Variants in MYO16 observed in about 807,000 individuals in gnomAD.
MYO16 encodes unconventional myosin-XVI.
A neutral mutation model predicts 205.3 loss-of-function variants in MYO16; 94 were observed. That is an observed-to-expected ratio of 0.46 (90% CI 0.39 to 0.54). The LOEUF (loss-of-function observed/expected upper bound fraction) is 0.54. Among genes scored for constraint, MYO16 ranks in the 20% least tolerant of loss-of-function variants. MYO16 has a pLI of 0.00. For missense variants in MYO16, 2,315 were observed against 2,387.5 expected (o/e 0.97, Z 0.63); for synonymous variants, 988 against 954.0 (o/e 1.04, Z -0.66).
chr13:109,094,697 C>T (rs1888724687), intron 27 of MYO16, among the ~76,000 whole-genome samples: 2 of 152,064 alleles, frequency 1.3e-5, no homozygotes, highest in South Asian at 4.1e-4. Context: ...CTTGACAGGC[C>T]CCAGTGTGTT....
chr13:108,999,632 A>G (rs1885147710), intron 21 of MYO16, among the ~76,000 whole-genome samples: 1 of 152,150 alleles, frequency 6.6e-6, no homozygotes, highest in African/African-American at 2.4e-5. Context: ...GGGAGTGGCA[A>G]CATAATTAAG....
At chr13:108,638,064 A>G (rs527248977) in intron 1 of MYO16, among the ~76,000 whole-genome samples, 46 of 152,244 alleles carry the variant, frequency 3.0e-4, no homozygotes, top group Non-Finnish European at 6.2e-4. Context: ...GTGACCTGGA[A>G]GCAGAGTGGA....
intron 4 of MYO16, among the ~76,000 whole-genome samples, chr13:108,737,201 T>C (rs1884734716): frequency 6.6e-6 from 1 of 152,204 alleles, no homozygotes; most frequent in Admixed American, 6.5e-5. Flanking sequence ...AGAGAGGGCA[T>C]CCCTGTCTTG....
At chr13:109,079,879 C>CATT (rs1555329950) in intron 27 of MYO16, among the ~76,000 whole-genome samples, 1 of 138,430 alleles carries the variant, frequency 7.2e-6, no homozygotes, top group East Asian at 2.1e-4. Context: ...TTCTTTATTT[C>CATT]TTTTTTTTTT....
chr13:109,194,385 T>C (rs765694568), intron 34 of MYO16, among the ~76,000 whole-genome samples: 14 of 152,178 alleles, frequency 9.2e-5, no homozygotes, highest in Non-Finnish European at 1.6e-4. Flanking sequence ...CAAGTGACTT[T>C]AGGCTTGAAA....
chr13:108,602,844 T>G (rs1360752669), intron 1 of MYO16, among the ~76,000 whole-genome samples: 1 of 152,164 alleles, frequency 6.6e-6, no homozygotes, highest in African/African-American at 2.4e-5. Context: ...AAGTTTCTAA[T>G]GAATTTGAGG....
intron 27 of MYO16, among the ~76,000 whole-genome samples, chr13:109,088,889 A>G (rs1888530299): frequency 6.6e-6 from 1 of 152,192 alleles, no homozygotes; most frequent in South Asian, 2.1e-4. Context: ...GAGGGCGGGC[A>G]GCCCCTCACT....
intron 4 of MYO16, among the ~76,000 whole-genome samples, chr13:108,778,215 G>A (rs755206972): frequency 3.9e-5 from 6 of 152,050 alleles, no homozygotes; most frequent in Non-Finnish European, 7.4e-5. Context: ...ATTTTTTCCC[G>A]GTGAAGTCAT....
intron 16 of MYO16, among the ~76,000 whole-genome samples, chr13:108,934,709 A>G (rs1449838907): frequency 6.6e-6 from 1 of 151,986 alleles, no homozygotes; most frequent in African/African-American, 2.4e-5. Context: ...CTAGGTTTTC[A>G]TCTAGGATTC....
rs182519012 is a variant in MYO16, at chr13:109,036,673, T to A, written c.2797-10243T>A. Among the ~76,000 whole-genome samples, 59 of 152,328 alleles carry A rather than the reference T, an allele frequency of 3.9e-4. 1 individual carries two copies. Among genetic ancestry groups the A allele is most frequent in the Non-Finnish European group, 2.4e-4 (16 of 68,022 alleles). On this transcript the variant is annotated intron_variant, in intron 23 of 34. Coordinates refer to ENST00000457511, the MANE Select transcript of MYO16 (RefSeq NM_001198950.3). ...CATTCCAAAGGAAATTTTGAATACA[T>A]GACAATTTCCTTAAAGATCCATATT...
At chr13:108,940,967 G>A (rs576746268) in intron 16 of MYO16, among the ~76,000 whole-genome samples, 1 of 152,330 alleles carries the variant, frequency 6.6e-6, no homozygotes, top group African/African-American at 2.4e-5. Context: ...AGTATAATGT[G>A]TCTGTAGTAA....
chr13:108,737,917 T>A (rs1463795354), intron 4 of MYO16, among the ~76,000 whole-genome samples: 3 of 152,222 alleles, frequency 2.0e-5, no homozygotes, highest in East Asian at 3.8e-4. Context: ...TTCTAGTTTA[T>A]TTGTGTAGAG....
chr13:108,810,699 A>G (rs992122641), intron 7 of MYO16, among the ~76,000 whole-genome samples: 38 of 152,168 alleles, frequency 2.5e-4, no homozygotes, highest in African/African-American at 9.2e-4. Context: ...AATATATTGT[A>G]TCTGTGTTTA....
intron 2 of MYO16, among the ~76,000 whole-genome samples, chr13:108,674,774 A>G (rs2139453339): frequency 6.6e-6 from 1 of 152,302 alleles, no homozygotes; most frequent in African/African-American, 2.4e-5. Context: ...TTTGACATGG[A>G]ATGTATGTAG....
chr13:109,062,082 AAG>A (rs66647525), intron 27 of MYO16, among the ~76,000 whole-genome samples: 6 of 127,072 alleles, frequency 4.7e-5, no homozygotes, highest in African/African-American at 6.1e-5. Flanking sequence ...TGGAGGGAGA[AAG>A]AGAGAGAGAG....
chr13:108,582,476 C>T, the MYO16 span, among the ~76,000 whole-genome samples: 8 of 152,198 alleles, frequency 5.3e-5, no homozygotes, highest in Non-Finnish European at 1.2e-4. Flanking sequence ...CACAACCCAA[C>T]TGAGCACCCA....
intron 23 of MYO16, among the ~76,000 whole-genome samples, chr13:109,025,029 A>G (rs9583325): frequency 1.3e-5 from 2 of 152,154 alleles, no homozygotes; most frequent in South Asian, 2.1e-4. Context: ...AAATAGCTCT[A>G]TGATAGTAAA....
At chr13:108,802,258 G>A (rs1373380156) in intron 6 of MYO16, among the ~76,000 whole-genome samples, 4 of 151,912 alleles carry the variant, frequency 2.6e-5, no homozygotes, top group Admixed American at 1.3e-4. Context: ...TCCCCTCCCC[G>A]AGTCCCTGGC....
At chr13:108,631,072 C>T (rs1303512848) in intron 1 of MYO16, among the ~76,000 whole-genome samples, 1 of 152,148 alleles carries the variant, frequency 6.6e-6, no homozygotes, top group Non-Finnish European at 1.5e-5. Flanking sequence ...GAATAGTCTT[C>T]TGCTTTAATC....
Sources: allele counts gnomAD v4.1 joint callset (sites outside exome capture counted in the v4.1 genomes callset), GRCh38; gene constraint gnomAD v4.1.1; transcripts MANE v1.5; gene names NCBI Gene and HGNC (gene_info 2026-07-23, HGNC 2026-07-21).